Variants in NPAS2 observed in about 807,000 individuals in gnomAD.
The protein encoded by NPAS2 is neuronal PAS domain protein 2.
A neutral mutation model predicts 107.5 loss-of-function variants in NPAS2; 23 were observed. The observed-to-expected ratio is 0.21, with a 90% CI of 0.15 to 0.30. The LOEUF (loss-of-function observed/expected upper bound fraction) is 0.30, where lower values mean the gene tolerates loss of function less well. Among genes scored for constraint, NPAS2 ranks in the 10% least tolerant of loss-of-function variants. NPAS2 has a pLI of 1.00. For synonymous variants in NPAS2, 403 were observed against 417.5 expected, an observed-to-expected ratio of 0.97 and a Z score of 0.42; for missense variants, 756 against 1,043.3, an observed-to-expected ratio of 0.72 and a Z score of 3.79.
chr2:100,969,407 T>C (rs1171606862), intron 11 of NPAS2, among the ~76,000 whole-genome samples: 1 of 152,124 alleles, frequency 6.6e-6, no homozygotes, highest in Non-Finnish European at 1.5e-5. Flanking sequence ...CCTGTGTCCA[T>C]GTGTTCTCAT....
intron 1 of NPAS2, among the ~76,000 whole-genome samples, chr2:100,863,480 A>G (rs534263959): frequency 2.0e-5 from 3 of 152,276 alleles, no homozygotes; most frequent in Non-Finnish European, 4.4e-5. Context: ...GGGCCCACAG[A>G]TCTGTGCCCC....
intron 1 of NPAS2, among the ~76,000 whole-genome samples, chr2:100,890,715 C>A (rs1381686526): frequency 6.6e-6 from 1 of 152,170 alleles, no homozygotes; most frequent in African/African-American, 2.4e-5. Context: ...ATCACAGATA[C>A]TTTAACAGTG....
At chr2:100,947,594 C>G (rs962214553) in intron 5 of NPAS2, among the ~76,000 whole-genome samples, 3 of 152,034 alleles carry the variant, frequency 2.0e-5, no homozygotes, top group Admixed American at 1.3e-4. Flanking sequence ...CTTGTTCACA[C>G]TAGCCACGTT....
intron 1 of NPAS2, among the ~76,000 whole-genome samples, chr2:100,859,581 G>A (rs1176525617): frequency 2.0e-5 from 3 of 152,198 alleles, no homozygotes; most frequent in Non-Finnish European, 4.4e-5. Flanking sequence ...TGGGAAGGGA[G>A]TAGGAACCAG....
At chr2:100,849,178 G>C (rs1482127306) in intron 1 of NPAS2, among the ~76,000 whole-genome samples, 1 of 152,238 alleles carries the variant, frequency 6.6e-6, no homozygotes, top group African/African-American at 2.4e-5. Flanking sequence ...TGTCAGACCA[G>C]AGTAGTGCAT....
At chr2:100,852,181 G>A (rs1043334748) in intron 1 of NPAS2, among the ~76,000 whole-genome samples, 4 of 152,012 alleles carry the variant, frequency 2.6e-5, no homozygotes, top group African/African-American at 9.7e-5. Context: ...CGGATCACGA[G>A]GTCAGGAGAT....
chr2:100,833,173 G>A (rs1676850620), intron 1 of NPAS2, among the ~76,000 whole-genome samples: 2 of 152,156 alleles, frequency 1.3e-5, no homozygotes, highest in South Asian at 2.1e-4. Flanking sequence ...ATGGTGTAAC[G>A]AGGACAGCGC....
At chr2:100,980,053 T>C (rs1677338986) in intron 15 of NPAS2, among the ~76,000 whole-genome samples, 1 of 152,230 alleles carries the variant, frequency 6.6e-6, no homozygotes, top group Admixed American at 6.5e-5. Context: ...TCTTTCTTCA[T>C]ACTATGGTTC....
At chr2:100,906,715 T>C (rs1444528951) in intron 2 of NPAS2, among the ~76,000 whole-genome samples, 3 of 152,266 alleles carry the variant, frequency 2.0e-5, no homozygotes, top group Non-Finnish European at 4.4e-5. Context: ...TTATTAGAAA[T>C]GATGGAAAGA....
intron 1 of NPAS2, among the ~76,000 whole-genome samples, chr2:100,860,879 GTTGT>G (rs753142925): frequency 2.1e-4 from 32 of 151,494 alleles, no homozygotes; most frequent in African/African-American, 5.6e-4. Context: ...GTTTGTTGTT[GTTGT>G]TTGTTTGTTT....
At chr2:100,873,305 T>TACACACACACACAC (rs1369269644) in intron 1 of NPAS2, among the ~76,000 whole-genome samples, 3 of 38,272 alleles carry the variant, frequency 7.8e-5, no homozygotes, top group Admixed American at 7.4e-4. Context: ...TATATATATA[T>TACACACACACACAC]ATACACACAC....
intron 3 of NPAS2, among the ~76,000 whole-genome samples, chr2:100,932,708 TA>T (rs1313400699): frequency 6.6e-6 from 1 of 152,242 alleles, no homozygotes; most frequent in South Asian, 2.1e-4. Flanking sequence ...TGCACCTCCC[TA>T]AAGCCTCATT....
chr2:100,955,537 A>C (rs1042479809), intron 7 of NPAS2, among the ~76,000 whole-genome samples: 1 of 151,956 alleles, frequency 6.6e-6, no homozygotes, highest in African/African-American at 2.4e-5. Flanking sequence ...TCCACAATAC[A>C]CTCTGGGGAT....
At chr2:100,857,254 C>G (rs995904484) in intron 1 of NPAS2, among the ~76,000 whole-genome samples, 3 of 149,132 alleles carry the variant, frequency 2.0e-5, no homozygotes, top group Non-Finnish European at 4.4e-5. Flanking sequence ...GCCGAGATCA[C>G]GCCATTGCAC....
In NPAS2 at chr2:100,993,545, G is replaced by C. The variant is rs1352413218; in HGVS notation, c.2292+18G>C. On this transcript the variant is annotated intron_variant, in intron 20 of 20. Transcript: ENST00000335681. Reference sequence around the variant, plus strand: ...ACCTGCAGGTGGGTGCCACGGCCCAGGGGGCCCCCGTGCAGGCCTGGGAGC... The same window carrying C: ...ACCTGCAGGTGGGTGCCACGGCCCACGGGGCCCCCGTGCAGGCCTGGGAGC... The C allele has an allele frequency of 6.6e-7, 1 of 1,504,784 alleles. No homozygotes were observed. Among genetic ancestry groups the C allele is most frequent in the African/African-American group, 1.4e-5 (1 of 71,548 alleles). 93.2% of individuals were successfully genotyped at this position (1,504,784 alleles called of 1,614,324 possible).
intron 3 of NPAS2, among the ~76,000 whole-genome samples, chr2:100,929,455 T>A (rs1038691370): frequency 2.6e-5 from 4 of 152,214 alleles, no homozygotes; most frequent in African/African-American, 9.6e-5. Context: ...GTTCTCAACC[T>A]TGTGTGCACA....
intron 2 of NPAS2, among the ~76,000 whole-genome samples, chr2:100,920,790 G>A (rs1404938381): frequency 1.3e-5 from 2 of 152,214 alleles, no homozygotes; most frequent in Non-Finnish European, 2.9e-5. Flanking sequence ...CGTGTTCTTG[G>A]CCAAGCGAAG....
At chr2:100,861,424 T>C (rs1052091419) in intron 1 of NPAS2, among the ~76,000 whole-genome samples, 5 of 152,034 alleles carry the variant, frequency 3.3e-5, no homozygotes, top group African/African-American at 1.2e-4. Context: ...CCGACAGAAT[T>C]GTGATGGGTG....
chr2:100,942,685 G>A (rs762368027), intron 5 of NPAS2, among the ~76,000 whole-genome samples: 16 of 152,108 alleles, frequency 1.1e-4, no homozygotes, highest in Admixed American at 4.6e-4. Flanking sequence ...CCCCTTTTTC[G>A]TCACACGTCC....
Sources: gnomAD v4.1 joint callset for allele counts (sites outside exome capture counted in the v4.1 genomes callset) on GRCh38, gnomAD v4.1.1 for gene constraint, MANE v1.5 for transcripts, NCBI Gene and HGNC (gene_info 2026-07-23, HGNC 2026-07-21) for gene names.